Variants in BRIP1 observed in about 807,000 individuals in gnomAD.
The protein encoded by BRIP1 is BRCA1 interacting DNA helicase 1.
A neutral mutation model predicts 119.7 loss-of-function variants in BRIP1; 88 were observed. The observed-to-expected ratio is 0.74, with a 90% CI of 0.62 to 0.88. The LOEUF (loss-of-function observed/expected upper bound fraction) is 0.88. Among genes scored for constraint, BRIP1 ranks in the 40% least tolerant of loss-of-function variants. BRIP1 has a pLI of 0.00. For missense variants in BRIP1, 1,259 were observed against 1,455.4 expected, an observed-to-expected ratio of 0.87 and a Z score of 2.20; for synonymous variants, 443 against 496.5, an observed-to-expected ratio of 0.89 and a Z score of 1.43.
rs1026361382 is a variant in BRIP1, at chr17:61,852,299, T to C, written c.380-3043A>G. Among the ~76,000 whole-genome samples the C allele has an allele frequency of 1.3e-5, 2 of 152,174 alleles. No individual in the cohort carries two copies. The highest frequency in any genetic ancestry group is 2.4e-5 in the African/African-American group (1 of 41,434). On this transcript the variant is annotated intron_variant, in intron 4 of 19. Coordinates refer to ENST00000259008, the MANE Select transcript of BRIP1 (RefSeq NM_032043.3). This position sits in a 1 kb window ranked among gnomAD's most constrained non-coding sequence, Gnocchi z 4.9. Reference sequence around the variant, plus strand: ...CATCAAAGGGGTAAAATCTTTAAGATACAAAGTTAAAAAGAAAGAAGATAT... The same window carrying C: ...CATCAAAGGGGTAAAATCTTTAAGACACAAAGTTAAAAAGAAAGAAGATAT...
intron 17 of BRIP1, among the ~76,000 whole-genome samples, chr17:61,711,849 C>G (rs2061780012): frequency 6.6e-6 from 1 of 150,856 alleles, no homozygotes; most frequent in African/African-American, 2.4e-5. Flanking sequence ...GCCTGGGAAA[C>G]AGAGCAAGAC....
In BRIP1 at chr17:61,689,168, C is replaced by T. The variant is rs2061409115; in HGVS notation, c.2576-3003G>A. Reference sequence around the variant, plus strand: ...AAGCGATTCTCCTGCCTCGGCCTCTCAAGTAGCTGGGACTACAGGCATGTA... The same window carrying T: ...AAGCGATTCTCCTGCCTCGGCCTCTTAAGTAGCTGGGACTACAGGCATGTA... On this transcript the variant is annotated intron_variant, in intron 18 of 19. Transcript: ENST00000259008. This position sits in a 1 kb window ranked among gnomAD's most constrained non-coding sequence, Gnocchi z 4.5. Among the ~76,000 whole-genome samples the T allele has an allele frequency of 1.3e-5, 2 of 151,232 alleles. No individual in the cohort carries two copies. The highest frequency in any genetic ancestry group is 2.4e-5 in the African/African-American group (1 of 40,996).
chr17:61,701,557 A>G lies in BRIP1; in HGVS notation c.2493-8045T>C, dbSNP rs370189971. On this transcript the variant is annotated intron_variant, in intron 17 of 19. Coordinates refer to ENST00000259008, the MANE Select transcript of BRIP1 (RefSeq NM_032043.3). The surrounding 1 kb of genome is among the most constrained non-coding windows in gnomAD (Gnocchi z 5.1). ...CAGCAGAGCACCAAGGTGATAGCTTAGGGCCTTTTCAGGTCTTTTCTTAGC... is the reference window on the plus strand; with the variant it reads ...CAGCAGAGCACCAAGGTGATAGCTTGGGGCCTTTTCAGGTCTTTTCTTAGC... Among the ~76,000 whole-genome samples, 9 of 152,328 alleles carry G rather than the reference A, an allele frequency of 5.9e-5. No individual in the cohort carries two copies. In the East Asian group the frequency reaches 1.4e-3, roughly 23 times the overall value.
Position 61,843,518 on chromosome 17 carries a change from T to C in BRIP1, c.627+3583A>G, listed in dbSNP as rs1165058708. 6.6e-6 allele frequency among the ~76,000 whole-genome samples: 1 copy of C among 152,156 alleles called. No homozygotes were observed. The highest frequency in any genetic ancestry group is 1.9e-4 in the East Asian group (1 of 5,198). ...GAGGTGGGGCCTAGTGTAAAGTGCT[T>C]GGGTCATCAATGGCTGGTGCCCTCC... On this transcript the variant is annotated intron_variant, in intron 6 of 19. Coordinates refer to ENST00000259008, the MANE Select transcript of BRIP1 (RefSeq NM_032043.3). The surrounding 1 kb of genome is among the most constrained non-coding windows in gnomAD (Gnocchi z 5.7).
At chr17:61,785,570 C>G (rs2077693140) in intron 10 of BRIP1, among the ~76,000 whole-genome samples, 2 of 151,914 alleles carry the variant, frequency 1.3e-5, no homozygotes, top group Non-Finnish European at 2.9e-5. Flanking sequence ...CTTCACTGAA[C>G]AAAACATTAC....
Position 61,808,179 on chromosome 17 carries a change from T to G in BRIP1, c.918+288A>C, listed in dbSNP as rs1342883504. Among the ~76,000 whole-genome samples the G allele has an allele frequency of 6.6e-6, 1 of 152,152 alleles. No homozygotes were observed. The highest frequency in any genetic ancestry group is 1.5e-5 in the Non-Finnish European group (1 of 68,010). On this transcript the variant is annotated intron_variant, in intron 7 of 19. Transcript: ENST00000259008. This position sits in a 1 kb window ranked among gnomAD's most constrained non-coding sequence, Gnocchi z 4.1. Reference sequence around the variant, plus strand: ...CTCCTCATATGATATCATCCAAGTTTGACTATTTTTGGTAGCAGGATTTAA... The same window carrying G: ...CTCCTCATATGATATCATCCAAGTTGGACTATTTTTGGTAGCAGGATTTAA...
rs1311690308 is a variant in BRIP1, at chr17:61,824,291, T to C, written c.628-15534A>G. Among the ~76,000 whole-genome samples, 2 of 152,198 alleles carry C rather than the reference T, an allele frequency of 1.3e-5. No individual in the cohort carries two copies. Among genetic ancestry groups the C allele is most frequent in the Non-Finnish European group, 2.9e-5 (2 of 68,032 alleles). On this transcript the variant is annotated intron_variant, in intron 6 of 19. Transcript: ENST00000259008. The surrounding 1 kb of genome is among the most constrained non-coding windows in gnomAD (Gnocchi z 4.3). ...TTCCTATCAATAACCCAATGAAGTT[T>C]CTTGCAGAAATAGAAAATACCATCC... is the stretch of plus-strand genomic sequence containing the variant.
At position 61,791,488 on chromosome 17, in the gene BRIP1, C is replaced by CAA. The variant is rs529710126; in HGVS notation, c.1473+2107_1473+2108dup. On this transcript the variant is annotated intron_variant, in intron 10 of 19. Coordinates refer to ENST00000259008, the MANE Select transcript of BRIP1 (RefSeq NM_032043.3). ...TGGGCAACAGAGTGAGACTTCATCT[C>CAA]AAAAAAAAAAAAAAAAAAAAAAGAA... Among the ~76,000 whole-genome samples the CAA allele has an allele frequency of 3.2e-3, 167 of 52,862 alleles. 7 individuals are homozygous for CAA. The highest frequency in any genetic ancestry group is 0.012 in the African/African-American group (140 of 12,122). The allele number at this position is 52,862 out of a possible 152,430, so 34.7% of individuals were successfully genotyped here. A position where few individuals can be genotyped will look rare whatever the true frequency, so the allele number is the denominator to read the frequency against.
Position 61,695,392 on chromosome 17 carries a change from T to C in BRIP1, c.2493-1880A>G, listed in dbSNP as rs989360743. 6.6e-6 allele frequency among the ~76,000 whole-genome samples: 1 copy of C among 152,166 alleles called. No individual in the cohort carries two copies. Among genetic ancestry groups the C allele is most frequent in the African/African-American group, 2.4e-5 (1 of 41,458 alleles). On this transcript the variant is annotated intron_variant, in intron 17 of 19. Transcript: ENST00000259008. The surrounding 1 kb of genome is among the most constrained non-coding windows in gnomAD (Gnocchi z 4.3). ...CAACATAGTCTTGATTATTGTAGCT[T>C]TGTAGTAAGTTTGAAATAGAAAACT...
At chr17:61,694,962 A>C (rs2061500460) in intron 17 of BRIP1, among the ~76,000 whole-genome samples, 1 of 150,898 alleles carries the variant, frequency 6.6e-6, no homozygotes, top group South Asian at 2.1e-4. Context: ...TTTTCTCCAT[A>C]TGTGAGTTGT....
In BRIP1 at chr17:61,683,130, C is replaced by CAAAAAAAAAAAAAAA. The variant is rs111519368; in HGVS notation, c.*165_*166insTTTTTTTTTTTTTTT. On this transcript the variant is annotated 3_prime_UTR_variant, in exon 20 of 20. Coordinates refer to ENST00000259008, the MANE Select transcript of BRIP1 (RefSeq NM_032043.3). The surrounding 1 kb of genome is among the most constrained non-coding windows in gnomAD (Gnocchi z 4.7). ...TGGGCAACAGACCAAGACTCTGTCT[C>CAAAAAAAAAAAAAAA]AAAAAAAAAAACCCAAAAACTCAAG... The CAAAAAAAAAAAAAAA allele has an allele frequency of 4.0e-6, 3 of 754,828 alleles. No homozygotes were observed. The African/African-American group carries it at 5.4e-5, about 14-fold the overall frequency. 46.8% of individuals were successfully genotyped at this position (754,828 alleles called of 1,614,324 possible).
rs558931260 is a variant in BRIP1, at chr17:61,758,208, T to C, written c.2098-13617A>G. 1.3e-5 allele frequency among the ~76,000 whole-genome samples: 2 copies of C among 152,346 alleles called. No homozygotes were observed. The highest frequency in any genetic ancestry group is 6.5e-5 in the Admixed American group (1 of 15,302). The stretch of plus-strand genomic sequence containing the variant: ...AATGAAGAACTGTTGACTGAGTTAA[T>C]AATGTTGGCTAAAATCTGAATGTAT... On this transcript the variant is annotated intron_variant, in intron 14 of 19. Coordinates refer to ENST00000259008, the MANE Select transcript of BRIP1 (RefSeq NM_032043.3). This position sits in a 1 kb window ranked among gnomAD's most constrained non-coding sequence, Gnocchi z 5.3.
In BRIP1 at chr17:61,754,235, TATCTCCTTC is replaced by T. The variant is rs1016754567; in HGVS notation, c.2098-9653_2098-9645del. Reference sequence around the variant, plus strand: ...TTTTACCCAGCTATTTCTTTGGCCGTATCTCCTTCAATTCCCCATACTTCAGTCCTACTC... The same window carrying T: ...TTTTACCCAGCTATTTCTTTGGCCGTAATTCCCCATACTTCAGTCCTACTC... On this transcript the variant is annotated intron_variant, in intron 14 of 19. Coordinates refer to ENST00000259008, the MANE Select transcript of BRIP1 (RefSeq NM_032043.3). The surrounding 1 kb of genome is among the most constrained non-coding windows in gnomAD (Gnocchi z 4.1). Among the ~76,000 whole-genome samples, 1 of 152,196 alleles carries T rather than the reference TATCTCCTTC, an allele frequency of 6.6e-6. No homozygotes were observed. The highest frequency in any genetic ancestry group is 2.4e-5 in the African/African-American group (1 of 41,440).
chr17:61,812,958 A>C (rs941826729), intron 6 of BRIP1, among the ~76,000 whole-genome samples: 1 of 152,152 alleles, frequency 6.6e-6, no homozygotes, highest in Non-Finnish European at 1.5e-5. Flanking sequence ...AACTTTCTCC[A>C]AACTTTCCCT....
At chr17:61,765,387 A>AT (rs2077343255) in intron 14 of BRIP1, among the ~76,000 whole-genome samples, 1 of 19,300 alleles carries the variant, frequency 5.2e-5, no homozygotes, top group African/African-American at 2.0e-4. Context: ...TATTATATAT[A>AT]TATATATATA....
In BRIP1 at chr17:61,740,096, A is replaced by C. The variant is rs1353550646; in HGVS notation, c.2379+2917T>G. ...TTCATTAGGTGAACTCCATTATCCC[A>C]GTTCTCTGCTTGGGTATAATTTCCT... On this transcript the variant is annotated intron_variant, in intron 16 of 19. Coordinates refer to ENST00000259008, the MANE Select transcript of BRIP1 (RefSeq NM_032043.3). This position sits in a 1 kb window ranked among gnomAD's most constrained non-coding sequence, Gnocchi z 5.4. Among the ~76,000 whole-genome samples the C allele has an allele frequency of 2.6e-5, 4 of 152,130 alleles. No individual in the cohort carries two copies. The highest frequency in any genetic ancestry group is 2.6e-4 in the Admixed American group (4 of 15,262).
At position 61,793,875 on chromosome 17, in the gene BRIP1, TTTTAAA is replaced by T; in HGVS notation, c.1341-152_1341-147del. On this transcript the variant is annotated intron_variant, in intron 9 of 19. Coordinates refer to ENST00000259008, the MANE Select transcript of BRIP1 (RefSeq NM_032043.3). This position sits in a 1 kb window ranked among gnomAD's most constrained non-coding sequence, Gnocchi z 5.2. ...ATGAATGTGGATTAATTAAGACACC[TTTTAAA>T]AAGCATTCATGTCTCATATTGCAAA... 1 of 778,786 alleles carries T rather than the reference TTTTAAA, an allele frequency of 1.3e-6. No individual in the cohort carries two copies. 48.2% of individuals were successfully genotyped at this position (778,786 alleles called of 1,614,324 possible).
chr17:61,810,950 T>C lies in BRIP1; in HGVS notation c.628-2193A>G, dbSNP rs929732364. ...TGAATTTGGCACAAATAATTTAATG[T>C]TCTACTTATCTTTAAATGTTACACT... is the stretch of plus-strand genomic sequence containing the variant. On this transcript the variant is annotated intron_variant, in intron 6 of 19. Transcript: ENST00000259008. The surrounding 1 kb of genome is among the most constrained non-coding windows in gnomAD (Gnocchi z 4.7). 6.6e-6 allele frequency among the ~76,000 whole-genome samples: 1 copy of C among 152,212 alleles called. No individual in the cohort carries two copies. Among genetic ancestry groups the C allele is most frequent in the African/African-American group, 2.4e-5 (1 of 41,450 alleles).
At chr17:61,820,959 A>G (rs1322008714) in intron 6 of BRIP1, among the ~76,000 whole-genome samples, 2 of 149,620 alleles carry the variant, frequency 1.3e-5, no homozygotes, top group South Asian at 4.2e-4. Flanking sequence ...TAAAAAAAAA[A>G]AAAGAAAGAA....
Sources: allele counts gnomAD v4.1 joint callset (sites outside exome capture counted in the v4.1 genomes callset), GRCh38; gene constraint gnomAD v4.1.1; non-coding constraint Gnocchi (gnomAD v3.1); transcripts MANE v1.5; gene names NCBI Gene and HGNC (gene_info 2026-07-23, HGNC 2026-07-21).